PDZRN3: variants seen among roughly 807,000 people sequenced by gnomAD.
The protein encoded by PDZRN3 is PDZ domain containing ring finger 3.
In PDZRN3, 38 loss-of-function variants were observed where a neutral mutation model predicts 85.7. That is an observed-to-expected ratio of 0.44 (90% CI 0.34 to 0.58). PDZRN3 has a LOEUF of 0.58. PDZRN3 is among the 20% of genes least tolerant of loss of function. The pLI, the probability that PDZRN3 is intolerant of heterozygous loss-of-function variation, is 0.01. For synonymous variants in PDZRN3, 759 were observed against 638.0 expected, an observed-to-expected ratio of 1.19 and a Z score of -2.86; for missense variants, 1,629 against 1,506.4, an observed-to-expected ratio of 1.08 and a Z score of -1.35.
At chr3:73,418,915 C>T (rs528462241) in intron 3 of PDZRN3, among the ~76,000 whole-genome samples, 1 of 152,130 alleles carries the variant, frequency 6.6e-6, no homozygotes, top group Non-Finnish European at 1.5e-5. Context: ...GGGGACTTGG[C>T]CTGGCCAAAG....
In PDZRN3 at chr3:73,516,448, T is replaced by C. The variant is rs185992209; in HGVS notation, c.918+85906A>G. Among the ~76,000 whole-genome samples the C allele has an allele frequency of 1.9e-3, 296 of 152,292 alleles. 4 individuals are homozygous for C. The highest frequency in any genetic ancestry group is 1.6e-3 in the Non-Finnish European group (107 of 68,024). ...TGTATTTTCTTAATTATGAATGAAG[T>C]TGAGTACCTTTTCACATGTCTATTG... On this transcript the variant is annotated intron_variant, in intron 3 of 9. Coordinates refer to ENST00000263666, the MANE Select transcript of PDZRN3 (RefSeq NM_015009.3).
intron 3 of PDZRN3, chr3:73,433,902 C>T (rs1260456190): frequency 4.6e-5 from 66 of 1,429,076 alleles, no homozygotes; most frequent in Non-Finnish European, 5.7e-5. Context: ...TTCCTCCCCT[C>T]GCAGCATGCA....
At chr3:73,406,215 G>A (rs1173672669) in intron 3 of PDZRN3, among the ~76,000 whole-genome samples, 1 of 152,160 alleles carries the variant, frequency 6.6e-6, no homozygotes, top group Non-Finnish European at 1.5e-5. Flanking sequence ...TTAACACTAC[G>A]ACTGTTGCCA....
Position 73,590,625 on chromosome 3 carries a change from G to T in PDZRN3, c.918+11729C>A, listed in dbSNP as rs557348387. Among the ~76,000 whole-genome samples the T allele has an allele frequency of 3.7e-3, 560 of 152,172 alleles. 6 individuals are homozygous for T. The highest frequency in any genetic ancestry group is 0.013 in the African/African-American group (534 of 41,478). On this transcript the variant is annotated intron_variant, in intron 3 of 9. Coordinates refer to ENST00000263666, the MANE Select transcript of PDZRN3 (RefSeq NM_015009.3). ...ATTTACCTTGTAAAATTAAGATGTT[G>T]TTCTGTTGAGAGTATTAAAAAGTTT... is the stretch of plus-strand genomic sequence containing the variant.
intron 3 of PDZRN3, among the ~76,000 whole-genome samples, chr3:73,573,438 C>T (rs1702071890): frequency 6.6e-6 from 1 of 152,182 alleles, no homozygotes; most frequent in African/African-American, 2.4e-5. Flanking sequence ...TAACACACGT[C>T]ACTCACCAGG....
At chr3:73,465,114 T>C (rs962807450) in intron 3 of PDZRN3, among the ~76,000 whole-genome samples, 2 of 152,202 alleles carry the variant, frequency 1.3e-5, no homozygotes, top group African/African-American at 4.8e-5. Context: ...TTAATTATGT[T>C]GGAATAGGGT....
intron 3 of PDZRN3, among the ~76,000 whole-genome samples, chr3:73,515,174 T>A: frequency 7.2e-4 from 1 of 1,396 alleles, no homozygotes; most frequent in Non-Finnish European, 4.9e-3. Context: ...CAATCAGCCC[T>A]TTTTTTTTTT....
intron 3 of PDZRN3, among the ~76,000 whole-genome samples, chr3:73,460,143 C>T (rs1388980988): frequency 1.3e-5 from 2 of 152,178 alleles, no homozygotes; most frequent in Admixed American, 1.3e-4. Flanking sequence ...TAAACATTCA[C>T]ATTCTTTTCT....
intron 3 of PDZRN3, among the ~76,000 whole-genome samples, chr3:73,418,954 C>A (rs1364196645): frequency 6.6e-6 from 1 of 152,052 alleles, no homozygotes; most frequent in Non-Finnish European, 1.5e-5. Context: ...TCTTTGTTGT[C>A]GAATTGTTAG....
At chr3:73,503,343 C>T (rs1704016519) in intron 3 of PDZRN3, among the ~76,000 whole-genome samples, 1 of 152,080 alleles carries the variant, frequency 6.6e-6, no homozygotes, top group Non-Finnish European at 1.5e-5. Context: ...ACGTAAGTTC[C>T]ATTTACAAAT....
intron 3 of PDZRN3, among the ~76,000 whole-genome samples, chr3:73,498,894 T>C (rs1703921138): frequency 6.6e-6 from 1 of 152,140 alleles, no homozygotes; most frequent in Non-Finnish European, 1.5e-5. Context: ...GTATGTTAAC[T>C]TTTTACAATA....
chr3:73,428,657 C>T (rs1481052164), intron 3 of PDZRN3, among the ~76,000 whole-genome samples: 2 of 152,180 alleles, frequency 1.3e-5, no homozygotes, highest in Non-Finnish European at 2.9e-5. Context: ...TCCTCTAAAG[C>T]TTTGTGTCTT....
intron 3 of PDZRN3, among the ~76,000 whole-genome samples, chr3:73,472,234 T>C (rs1314198516): frequency 6.6e-6 from 1 of 152,252 alleles, no homozygotes; most frequent in African/African-American, 2.4e-5. Context: ...AGGTGTCCTT[T>C]CCTTCAAATC....
intron 3 of PDZRN3, among the ~76,000 whole-genome samples, chr3:73,577,900 A>G (rs1415509853): frequency 6.6e-6 from 1 of 152,242 alleles, no homozygotes; most frequent in Non-Finnish European, 1.5e-5. Context: ...TATTACTGGA[A>G]GACACACCTG....
At chr3:73,582,476 A>T (rs1342136426) in intron 3 of PDZRN3, among the ~76,000 whole-genome samples, 6 of 152,136 alleles carry the variant, frequency 3.9e-5, no homozygotes, top group Non-Finnish European at 8.8e-5. Flanking sequence ...TACTAACAAA[A>T]ATAAATTTTA....
chr3:73,409,352 T>C (rs1029408754), intron 3 of PDZRN3, among the ~76,000 whole-genome samples: 1 of 152,208 alleles, frequency 6.6e-6, no homozygotes, highest in Non-Finnish European at 1.5e-5. Context: ...TACTTGTAGC[T>C]GTCTTTTCCA....
intron 3 of PDZRN3, among the ~76,000 whole-genome samples, chr3:73,506,406 A>G (rs546122358): frequency 6.6e-6 from 1 of 152,348 alleles, no homozygotes; most frequent in African/African-American, 2.4e-5. Flanking sequence ...GCTTTTCTAC[A>G]TCAATAAGAA....
intron 3 of PDZRN3, among the ~76,000 whole-genome samples, chr3:73,423,131 TA>T (rs1467129916): frequency 1.3e-5 from 2 of 152,214 alleles, no homozygotes; most frequent in Non-Finnish European, 2.9e-5. Context: ...TGAGGGGAAA[TA>T]GCTGCTGCTT....
chr3:73,619,938 T>C (rs1702828609), intron 1 of PDZRN3, among the ~76,000 whole-genome samples: 1 of 152,228 alleles, frequency 6.6e-6, no homozygotes, highest in Non-Finnish European at 1.5e-5. Flanking sequence ...AAGGCCAATT[T>C]TGCCCCTCAA....
Sources: gnomAD v4.1 joint callset for allele counts (sites outside exome capture counted in the v4.1 genomes callset) on GRCh38, gnomAD v4.1.1 for gene constraint, MANE v1.5 for transcripts, NCBI Gene and HGNC (gene_info 2026-07-23, HGNC 2026-07-21) for gene names.